DRC11: variants seen among roughly 807,000 people sequenced by gnomAD.
DRC11 encodes dynein regulatory complex subunit 11.
the DRC11 span, among the ~76,000 whole-genome samples, chr2:236,499,751 CTT>C: frequency 6.6e-6 from 1 of 152,156 alleles, no homozygotes; most frequent in Non-Finnish European, 1.5e-5. This position sits in a 1 kb window ranked among gnomAD's most constrained non-coding sequence, Gnocchi z 4.7. Context: ...CTTGGTATCT[CTT>C]GTCAAATGTT....
chr2:236,393,591 T>C, the DRC11 span, among the ~76,000 whole-genome samples: 2 of 151,994 alleles, frequency 1.3e-5, no homozygotes, highest in Non-Finnish European at 2.9e-5. This position sits in a 1 kb window ranked among gnomAD's most constrained non-coding sequence, Gnocchi z 4.7. Context: ...GGCAAACTAA[T>C]GGGAAGGAGG....
At chr2:236,382,052 C>G in the DRC11 span, among the ~76,000 whole-genome samples, 2 of 152,100 alleles carry the variant, frequency 1.3e-5, no homozygotes, top group Non-Finnish European at 2.9e-5. Flanking sequence ...TCTAGCCTAG[C>G]CCCCAAAGTC....
the DRC11 span, among the ~76,000 whole-genome samples, chr2:236,351,992 T>C: frequency 1.3e-5 from 2 of 151,928 alleles, no homozygotes; most frequent in African/African-American, 2.4e-5. This position sits in a 1 kb window ranked among gnomAD's most constrained non-coding sequence, Gnocchi z 7.3. Flanking sequence ...GCAATGGCAG[T>C]GGACGCCTCA....
chr2:236,357,741 T>C, the DRC11 span, among the ~76,000 whole-genome samples: 19 of 126,748 alleles, frequency 1.5e-4, no homozygotes, highest in Admixed American at 1.4e-3. Context: ...ATACATATAA[T>C]ATGTAAATAT....
At chr2:236,409,223 G>A in the DRC11 span, 1 of 220,730 alleles carries the variant, frequency 4.5e-6, no homozygotes, top group Non-Finnish European at 8.8e-6. Context: ...TCCTGCTTCA[G>A]CTGCCTGAGT....
At chr2:236,460,047 A>G in the DRC11 span, among the ~76,000 whole-genome samples, 5 of 152,180 alleles carry the variant, frequency 3.3e-5, no homozygotes, top group Non-Finnish European at 4.4e-5. The surrounding 1 kb of genome is among the most constrained non-coding windows in gnomAD (Gnocchi z 4.0). Flanking sequence ...ACCGTGTTTC[A>G]TGTTTCAAAA....
At chr2:236,457,160 T>A in the DRC11 span, among the ~76,000 whole-genome samples, 1 of 152,224 alleles carries the variant, frequency 6.6e-6, no homozygotes, top group Non-Finnish European at 1.5e-5. The surrounding 1 kb of genome is among the most constrained non-coding windows in gnomAD (Gnocchi z 4.7). Flanking sequence ...CAGAGCAAGA[T>A]GTTTTCTGAC....
the DRC11 span, chr2:236,368,425 A>G: frequency 1.6e-6 from 1 of 612,142 alleles, no homozygotes; most frequent in Non-Finnish European, 2.9e-6. Context: ...AGAGAATCCT[A>G]TTAGGAGAGT....
the DRC11 span, among the ~76,000 whole-genome samples, chr2:236,490,977 T>TAC: frequency 1.4e-5 from 2 of 147,082 alleles, no homozygotes; most frequent in African/African-American, 5.0e-5. This position sits in a 1 kb window ranked among gnomAD's most constrained non-coding sequence, Gnocchi z 5.5. Context: ...TGTATATATA[T>TAC]ACAGTATATA....
chr2:236,353,153 T>C, the DRC11 span, among the ~76,000 whole-genome samples: 1 of 152,236 alleles, frequency 6.6e-6, no homozygotes, highest in African/African-American at 2.4e-5. The surrounding 1 kb of genome is among the most constrained non-coding windows in gnomAD (Gnocchi z 5.0). Flanking sequence ...TACCCACAGA[T>C]AGTTTGAGGT....
the DRC11 span, chr2:236,369,181 G>A: frequency 1.3e-5 from 2 of 152,202 alleles, no homozygotes; most frequent in South Asian, 2.1e-4. The surrounding 1 kb of genome is among the most constrained non-coding windows in gnomAD (Gnocchi z 4.5). Flanking sequence ...GATGCTACAT[G>A]TGTACAGCAA....
chr2:236,307,202 A>G, the DRC11 span, among the ~76,000 whole-genome samples: 5 of 152,278 alleles, frequency 3.3e-5, no homozygotes, highest in African/African-American at 7.2e-5. The surrounding 1 kb of genome is among the most constrained non-coding windows in gnomAD (Gnocchi z 7.0). Context: ...GGATTCATCA[A>G]TTCCTGGATC....
the DRC11 span, among the ~76,000 whole-genome samples, chr2:236,417,941 G>A: frequency 2.0e-5 from 3 of 152,152 alleles, no homozygotes; most frequent in Admixed American, 2.0e-4. Flanking sequence ...GTATTCCATG[G>A]TGTATATGTG....
the DRC11 span, among the ~76,000 whole-genome samples, chr2:236,409,857 T>A: frequency 6.6e-6 from 1 of 152,254 alleles, no homozygotes; most frequent in Non-Finnish European, 1.5e-5. Flanking sequence ...TCTGCATCTA[T>A]TGAGATAATC....
chr2:236,387,150 G>A, the DRC11 span, among the ~76,000 whole-genome samples: 1 of 150,962 alleles, frequency 6.6e-6, no homozygotes, highest in Non-Finnish European at 1.5e-5. Flanking sequence ...TTGATTTGGG[G>A]TGGAGAGTTC....
At chr2:236,318,689 C>T in the DRC11 span, among the ~76,000 whole-genome samples, 4 of 152,034 alleles carry the variant, frequency 2.6e-5, no homozygotes, top group Admixed American at 1.3e-4. The surrounding 1 kb of genome is among the most constrained non-coding windows in gnomAD (Gnocchi z 7.0). Context: ...CATGTGTACA[C>T]GTGCATAGTG....
the DRC11 span, among the ~76,000 whole-genome samples, chr2:236,327,547 C>G: frequency 7.6e-6 from 1 of 131,288 alleles, no homozygotes; most frequent in Admixed American, 6.8e-5. Context: ...GTTCAGCCAA[C>G]TCTTAAACTC....
At chr2:236,479,650 G>A in the DRC11 span, among the ~76,000 whole-genome samples, 1 of 152,084 alleles carries the variant, frequency 6.6e-6, no homozygotes, top group East Asian at 1.9e-4. This position sits in a 1 kb window ranked among gnomAD's most constrained non-coding sequence, Gnocchi z 4.1. Context: ...CCCACATTTT[G>A]ACTTTTTGTT....
chr2:236,459,519 A>ATG, the DRC11 span, among the ~76,000 whole-genome samples: 14 of 93,122 alleles, frequency 1.5e-4, no homozygotes, highest in Admixed American at 7.1e-4. Context: ...ATACGTATAC[A>ATG]TGTATACATG....
Sources: allele counts gnomAD v4.1 joint callset (sites outside exome capture counted in the v4.1 genomes callset), GRCh38; gene constraint gnomAD v4.1.1; non-coding constraint Gnocchi (gnomAD v3.1); transcripts MANE v1.5; gene names NCBI Gene and HGNC (gene_info 2026-07-23, HGNC 2026-07-21).